ACOX3: variants seen among roughly 807,000 people sequenced by gnomAD.
ACOX3 encodes acyl-CoA oxidase 3, pristanoyl.
In ACOX3, 73 loss-of-function variants were observed where a neutral mutation model predicts 81.5. The ratio of observed to expected loss-of-function variants is 0.90; its 90% CI spans 0.74 to 1.09. The LOEUF (loss-of-function observed/expected upper bound fraction) is 1.09, where lower values mean the gene tolerates loss of function less well. Ranked by LOEUF, ACOX3 falls within the 50% of genes least tolerant of loss-of-function variation. The pLI is 0.00. For synonymous variants in ACOX3, 387 were observed against 375.1 expected, an observed-to-expected ratio of 1.03 and a Z score of -0.37; for missense variants, 947 against 928.0, an observed-to-expected ratio of 1.02 and a Z score of -0.27.
Position 8,384,742 on chromosome 4 carries a change from A to C in ACOX3, c.1538-3135T>G, listed in dbSNP as rs925292032. ...TGGGTCCAGTCCCCTCTGCGTCAGC[A>C]TCAGAGCACTCCTAACTCGGATTCT... On this transcript the variant is annotated intron_variant, in intron 13 of 17. Transcript: ENST00000356406. The surrounding 1 kb of genome is among the most constrained non-coding windows in gnomAD (Gnocchi z 5.3). Among the ~76,000 whole-genome samples the C allele has an allele frequency of 6.6e-6, 1 of 152,106 alleles. No individual in the cohort carries two copies. Among genetic ancestry groups the C allele is most frequent in the African/African-American group, 2.4e-5 (1 of 41,406 alleles).
At position 8,381,474 on chromosome 4, in the gene ACOX3, T is replaced by G. The variant is rs762482064; in HGVS notation, c.1653+18A>C. The stretch of plus-strand genomic sequence containing the variant: ...AGAGCAAATAATACAAAAGGGAATT[T>G]TGAAAACAAATACTTACCTGGCATT... On this transcript the variant is annotated intron_variant, in intron 14 of 17. Coordinates refer to ENST00000356406, the MANE Select transcript of ACOX3 (RefSeq NM_003501.3). The surrounding 1 kb of genome is among the most constrained non-coding windows in gnomAD (Gnocchi z 4.3). 5 of 1,602,522 alleles carry G rather than the reference T, an allele frequency of 3.1e-6. No homozygotes were observed. The highest frequency in any genetic ancestry group is 4.3e-6 in the Non-Finnish European group (5 of 1,170,334).
intron 1 of ACOX3, among the ~76,000 whole-genome samples, chr4:8,433,572 T>G (rs1362275486): frequency 6.6e-6 from 1 of 152,228 alleles, no homozygotes; most frequent in Non-Finnish European, 1.5e-5. Context: ...TTACTGTATG[T>G]GATCAAACAC....
In ACOX3 at chr4:8,414,809, A is replaced by C. The variant is rs1310785683; in HGVS notation, c.453+45T>G. On this transcript the variant is annotated intron_variant, in intron 4 of 17. Transcript: ENST00000356406. The surrounding 1 kb of genome is among the most constrained non-coding windows in gnomAD (Gnocchi z 6.1). ...CTTTTCACAAATCTCTACAGAGATCAAGCAAGAGAACCAGGCTCACAATTT... is the reference window on the plus strand; with the variant it reads ...CTTTTCACAAATCTCTACAGAGATCCAGCAAGAGAACCAGGCTCACAATTT... The C allele has an allele frequency of 6.4e-7, 1 of 1,573,680 alleles. No individual in the cohort carries two copies. Among genetic ancestry groups the C allele is most frequent in the South Asian group, 1.1e-5 (1 of 90,210 alleles).
At chr4:8,374,787 A>G (rs2108800331) in intron 15 of ACOX3, 191 bp downstream of exon 15, 1 of 580,484 alleles carries the variant, frequency 1.7e-6, no homozygotes, top group East Asian at 3.3e-5. Context: ...GTTTCTCGGC[A>G]CCACCCTGAC....
rs943472432 is a variant in ACOX3 at position 8,423,427 on chromosome 4, C to T, written c.-14-6892G>A. On this transcript the variant is annotated intron_variant, in intron 1 of 17. Transcript: ENST00000356406. The surrounding 1 kb of genome is among the most constrained non-coding windows in gnomAD (Gnocchi z 4.2). ...GAATGCCCGTCCCGTTCAAGTTAAA[C>T]TAAAGGATTCCGCCTCCTTTCCCCA... 1.3e-5 allele frequency among the ~76,000 whole-genome samples: 2 copies of T among 152,154 alleles called. No homozygotes were observed. The highest frequency in any genetic ancestry group is 4.8e-5 in the African/African-American group (2 of 41,420).
At chr4:8,409,708 G>A (rs1721485161) in intron 6 of ACOX3, among the ~76,000 whole-genome samples, 1 of 150,790 alleles carries the variant, frequency 6.6e-6, no homozygotes, top group South Asian at 2.1e-4. Context: ...GCTGCGGGTA[G>A]GGCTGTAGGA....
intron 1 of ACOX3, among the ~76,000 whole-genome samples, chr4:8,434,205 A>G (rs981355186): frequency 1.3e-5 from 2 of 152,226 alleles, no homozygotes; most frequent in Non-Finnish European, 2.9e-5. Flanking sequence ...TGCTCGATTT[A>G]TCACGACCCT....
At chr4:8,404,663 C>G (rs758840420) in intron 7 of ACOX3, among the ~76,000 whole-genome samples, 1 of 152,146 alleles carries the variant, frequency 6.6e-6, no homozygotes, top group African/African-American at 2.4e-5. Context: ...CATCGCTGAG[C>G]GCTCAGATGC....
Position 8,397,085 on chromosome 4 carries a change from C to T in ACOX3, c.908G>A (p.Ser303Asn). 6.3e-7 allele frequency: 1 copy of T among 1,594,834 alleles called. No individual in the cohort carries two copies. The highest frequency in any genetic ancestry group is 1.4e-5 in the African/African-American group (1 of 73,832). The change falls in exon 9 of 18, where the codon AGC becomes AAC. Residue 303 changes from serine to asparagine, a missense_variant. Ser to Asn is a conservative substitution (Grantham distance 46). Transcript: ENST00000356406. ...VRQRFGASLG[S>N]LSSGRVSIVS... ...GATGGAGACCCGGCCCGAGGACAGG[C>T]TCCCCAGGGACGCTCCAAAGCGCTG...
Position 8,381,504 on chromosome 4 carries a change from C to T in ACOX3, c.1641G>A (p.Arg547=). ...KRSGSSDFEA[R]NKCQVSHGRP... ...AACAAATACTTACCTGGCATTTGTT[C>T]CTTGCTTCAAAGTCACTGCTTCCTG... is the stretch of plus-strand genomic sequence containing the variant. The change falls in exon 14 of 18, where the codon AGG becomes AGA. Residue 547 remains arginine (R), a synonymous_variant. Coordinates refer to ENST00000356406, the MANE Select transcript of ACOX3 (RefSeq NM_003501.3). The surrounding 1 kb of genome is among the most constrained non-coding windows in gnomAD (Gnocchi z 4.3). 1 of 1,613,046 alleles carries T rather than the reference C, an allele frequency of 6.2e-7. No homozygotes were observed. The highest frequency in any genetic ancestry group is 1.1e-5 in the South Asian group (1 of 90,864).
At chr4:8,364,655 C>T (rs766699502), downstream of ACOX3, among the ~76,000 whole-genome samples, 2 of 152,232 alleles carry the variant, frequency 1.3e-5, no homozygotes, top group Non-Finnish European at 2.9e-5. The surrounding 1 kb of genome is among the most constrained non-coding windows in gnomAD (Gnocchi z 5.0). Flanking sequence ...AGCTCTCCTG[C>T]ATGAGAACCC....
At chr4:8,413,254 C>T (rs1721952576) in intron 5 of ACOX3, among the ~76,000 whole-genome samples, 1 of 137,096 alleles carries the variant, frequency 7.3e-6, no homozygotes, top group Middle Eastern at 4.4e-3. Flanking sequence ...TCCCTCCACC[C>T]CGCACCCCTC....
chr4:8,375,230 A>T (rs1654126630), intron 14 of ACOX3, 78 bp from the exon 15 acceptor site: 1 of 1,402,176 alleles, frequency 7.1e-7, no homozygotes, highest in Admixed American at 2.5e-5. Flanking sequence ...AGTTCTCAGG[A>T]AACACGAACG....
chr4:8,378,467 G>A (rs1454003839), intron 14 of ACOX3, among the ~76,000 whole-genome samples: 3 of 152,192 alleles, frequency 2.0e-5, no homozygotes. Flanking sequence ...AGCCCTTGTG[G>A]CAGGGGTTGG....
chr4:8,403,824 C>G (rs1720626227), intron 7 of ACOX3, among the ~76,000 whole-genome samples: 1 of 152,200 alleles, frequency 6.6e-6, no homozygotes, highest in South Asian at 2.1e-4. Context: ...ATGTCAAAGC[C>G]TCTCATTCAT....
At chr4:8,438,776 A>G (rs1450679680) in intron 1 of ACOX3, 1 of 152,216 alleles carries the variant, frequency 6.6e-6, no homozygotes, top group Non-Finnish European at 1.5e-5. Context: ...TAAAAGTTGC[A>G]GGTGTTGTGT....
intron 5 of ACOX3, among the ~76,000 whole-genome samples, chr4:8,412,565 T>C (rs192950577): frequency 1.2e-4 from 19 of 152,130 alleles, no homozygotes; most frequent in Non-Finnish European, 1.9e-4. Context: ...AATGAATGGA[T>C]GGATGAAAGA....
At chr4:8,372,274 AT>A (rs1560165585) in intron 16 of ACOX3, among the ~76,000 whole-genome samples, 1 of 152,106 alleles carries the variant, frequency 6.6e-6, no homozygotes, top group East Asian at 1.9e-4. Flanking sequence ...TTTTAAAATT[AT>A]TTTTTGTAGA....
rs75286286 is a variant in ACOX3, at chr4:8,400,486, G to A, written c.777-834C>T. Reference sequence around the variant, plus strand: ...CAAAATAACTGGTGTGATGGCATTGGTGCTCCCTCGGCAAGGAAATTCACT... The same window carrying A: ...CAAAATAACTGGTGTGATGGCATTGATGCTCCCTCGGCAAGGAAATTCACT... On this transcript the variant is annotated intron_variant, in intron 7 of 17. Coordinates refer to ENST00000356406, the MANE Select transcript of ACOX3 (RefSeq NM_003501.3). This position sits in a 1 kb window ranked among gnomAD's most constrained non-coding sequence, Gnocchi z 4.4. Among the ~76,000 whole-genome samples the A allele has an allele frequency of 2.2e-3, 335 of 152,228 alleles. No homozygotes were observed. The highest frequency in any genetic ancestry group is 7.6e-3 in the African/African-American group (314 of 41,522).
Sources: allele counts gnomAD v4.1 joint callset (sites outside exome capture counted in the v4.1 genomes callset), GRCh38; gene constraint gnomAD v4.1.1; non-coding constraint Gnocchi (gnomAD v3.1); transcripts MANE v1.5; gene names NCBI Gene and HGNC (gene_info 2026-07-23, HGNC 2026-07-21).